ZNF841: variants seen among roughly 807,000 people sequenced by gnomAD.
ZNF841 encodes the protein TCONS_00006091.
ZNF841 carries 11 observed loss-of-function variants against 13.0 expected under a neutral mutation model. The ratio of observed to expected loss-of-function variants is 0.85; its 90% CI spans 0.53 to 1.40. The LOEUF is 1.40. Ranked by LOEUF, ZNF841 falls within the 40% of genes most tolerant of loss-of-function variation. The probability of loss-of-function intolerance (pLI) is 0.00; values close to 1 mark genes in which losing one functional copy is unlikely to be tolerated. For synonymous variants in ZNF841, 369 were observed against 381.6 expected, an observed-to-expected ratio of 0.97 and a Z score of 0.38; for missense variants, 1,068 against 1,139.5, an observed-to-expected ratio of 0.94 and a Z score of 0.90.
chr19:52,076,368 A>G, intron 5 of ZNF841, 196 bp from the exon 6 acceptor site: 1 of 636,278 alleles, frequency 1.6e-6, no homozygotes, highest in Non-Finnish European at 2.5e-6. Flanking sequence ...ACTGAATCAA[A>G]AACACAGGGA....
intron 6 of ZNF841, among the ~76,000 whole-genome samples, chr19:52,072,132 T>C (rs1568539444): frequency 6.6e-6 from 1 of 152,198 alleles, no homozygotes; most frequent in Non-Finnish European, 1.5e-5. Flanking sequence ...ATTAAAAGGT[T>C]AATTCACTAG....
chr19:52,059,390 T>TATATATATACACACACAC, the ZNF841 span, among the ~76,000 whole-genome samples: 5 of 96,388 alleles, frequency 5.2e-5, no homozygotes, highest in African/African-American at 2.1e-4. Flanking sequence ...TATATATATA[T>TATATATATACACACACAC]ACACACACAC....
Position 52,066,809 on chromosome 19 carries a change from G to T in ZNF841, c.1073C>A (p.Ser358Tyr). The change falls in exon 7 of 7, where the codon TCC becomes TAC. Residue 358 changes from serine (S) to tyrosine (Y), a missense_variant. Physicochemically the swap from Ser to Tyr is moderately radical, Grantham distance 144. Coordinates refer to ENST00000594440, the MANE Select transcript of ZNF841 (RefSeq NM_001136499.2). ...NECGKSFSKSSHLAVHQRIHT... is the reference protein window; with the variant it reads ...NECGKSFSKSYHLAVHQRIHT... ...AATTCTCTGATGAACTGCAAGGTGG[G>T]AACTTTTACTAAAGGACTTGCCACA... 2 of 1,614,138 alleles carry T rather than the reference G, an allele frequency of 1.2e-6. No individual in the cohort carries two copies. Among genetic ancestry groups the T allele is most frequent in the South Asian group, 2.2e-5 (2 of 91,070 alleles).
intron 4 of ZNF841, among the ~76,000 whole-genome samples, chr19:52,081,671 T>A (rs1035408919): frequency 6.6e-6 from 1 of 152,150 alleles, no homozygotes; most frequent in African/African-American, 2.4e-5. Context: ...CAGGGCAACA[T>A]GGCAAAATCC....
At chr19:52,072,639 C>T (rs2116867) in intron 6 of ZNF841, among the ~76,000 whole-genome samples, 23,885 of 151,956 alleles carry the variant, frequency 0.16, 2,207 homozygotes, top group South Asian at 0.3. Flanking sequence ...GTCAGGAGTT[C>T]GAGACCAGCC....
chr19:52,080,981 C>A (rs1420659829), intron 4 of ZNF841, among the ~76,000 whole-genome samples: 3 of 152,064 alleles, frequency 2.0e-5, no homozygotes, highest in African/African-American at 7.3e-5. Context: ...TAAAAAGAAA[C>A]CAATTAAGTC....
At chr19:52,092,218 G>A (rs1418541886) in intron 2 of ZNF841, among the ~76,000 whole-genome samples, 1 of 152,164 alleles carries the variant, frequency 6.6e-6, no homozygotes, top group Non-Finnish European at 1.5e-5. Flanking sequence ...CAATTTGTAA[G>A]ATGGAAGTAT....
downstream of ZNF841, chr19:52,064,352 C>CAAAAAAAAAAAAAA (rs1568532352): frequency 3.3e-4 from 16 of 48,970 alleles, 2 homozygotes; most frequent in Non-Finnish European, 6.6e-4. Context: ...GACTCCGTCT[C>CAAAAAAAAAAAAAA]CAAAAAAAAA....
intron 2 of ZNF841, among the ~76,000 whole-genome samples, chr19:52,090,706 A>AGAAAGAAAGAAAGAAAGAAG: frequency 1.5e-5 from 2 of 134,276 alleles, no homozygotes; most frequent in Admixed American, 1.5e-4. Flanking sequence ...AAAGAAAGAA[A>AGAAAGAAAGAAAGAAAGAAG]GAGAAAGAAA....
At chr19:52,077,924 T>C (rs2087958143) in intron 4 of ZNF841, among the ~76,000 whole-genome samples, 2 of 152,164 alleles carry the variant, frequency 1.3e-5, no homozygotes, top group South Asian at 4.1e-4. Flanking sequence ...AGGGGACGAA[T>C]GCTACAGTAT....
In ZNF841 at chr19:52,077,083, C is replaced by T. The variant is rs769873100; in HGVS notation, c.17G>A (p.Gly6Glu). The change falls in exon 5 of 7, where the codon GGA (glycine) becomes GAA (glutamate). Residue 6 changes from glycine (G) to glutamate (E), a missense_variant and splice_region_variant. Gly to Glu is a moderately conservative substitution (Grantham distance 98). Coordinates refer to ENST00000594440, the MANE Select transcript of ZNF841 (RefSeq NM_001136499.2). MALPQ[G>E]SLTFRDVAVE... Reference sequence around the variant, plus strand: ...AGCCACATCCCTGAATGTCAAAGATCCCTGAAATGAAAAACACATTTCAAT... The same window carrying T: ...AGCCACATCCCTGAATGTCAAAGATTCCTGAAATGAAAAACACATTTCAAT... The T allele has an allele frequency of 3.1e-6, 5 of 1,606,322 alleles. No individual in the cohort carries two copies. The highest frequency in any genetic ancestry group is 4.2e-6 in the Non-Finnish European group (5 of 1,177,048).
chr19:52,063,300 T>C (rs752091556), downstream of ZNF841, among the ~76,000 whole-genome samples: 1 of 152,200 alleles, frequency 6.6e-6, no homozygotes, highest in Non-Finnish European at 1.5e-5. Context: ...CACACTGATA[T>C]GACTTTTTTC....
rs1348174131 is a variant in ZNF841 at position 52,067,089 on chromosome 19, C to T, written c.793G>A (p.Glu265Lys). The change falls in exon 7 of 7, where the codon GAG becomes AAG. Residue 265 changes from glutamate to lysine, a missense_variant. Transcript: ENST00000594440. ...HIREKPYIGNECGKAFRVSSS... is the reference protein window; with the variant it reads ...HIREKPYIGNKCGKAFRVSSS... ...GACACTCTGAAGGCTTTGCCACACTCATTACCTATGTAAGGTTTTTCCCTA... is the reference window on the plus strand; with the variant it reads ...GACACTCTGAAGGCTTTGCCACACTTATTACCTATGTAAGGTTTTTCCCTA... The T allele has an allele frequency of 1.1e-5, 18 of 1,600,578 alleles. No individual in the cohort carries two copies. The highest frequency in any genetic ancestry group is 1.7e-5 in the Admixed American group (1 of 57,708).
At chr19:52,083,400 A>G (rs2088162630) in intron 4 of ZNF841, among the ~76,000 whole-genome samples, 1 of 151,204 alleles carries the variant, frequency 6.6e-6, no homozygotes, top group Non-Finnish European at 1.5e-5. Context: ...CCTCCCACCA[A>G]TGACACATGA....
intron 6 of ZNF841, among the ~76,000 whole-genome samples, chr19:52,068,662 C>CG (rs2087656793): frequency 7.3e-6 from 1 of 136,140 alleles, no homozygotes; most frequent in African/African-American, 2.9e-5. Flanking sequence ...GGCGACAGAG[C>CG]AGTCTCAAAA....
At position 52,066,484 on chromosome 19, in the gene ZNF841, G is replaced by A; in HGVS notation, c.1398C>T (p.Phe466=). Residue 466 remains phenylalanine (F), a synonymous_variant, in exon 7 of 7, where the codon TTC becomes TTT. Coordinates refer to ENST00000594440, the MANE Select transcript of ZNF841 (RefSeq NM_001136499.2). ...PYKCNECGKV[F]FQRSRLAGHR... is the part of the protein sequence containing the mutation. ...GCCCTGCAAGACGTGAACGTTGAAA[G>A]AAGACCTTGCCACATTCATTACATT... 1 of 1,613,512 alleles carries A rather than the reference G, an allele frequency of 6.2e-7. No individual in the cohort carries two copies. The highest frequency in any genetic ancestry group is 8.5e-7 in the Non-Finnish European group (1 of 1,179,852).
chr19:52,062,321 C>G (rs937014940), downstream of ZNF841, among the ~76,000 whole-genome samples: 1 of 152,158 alleles, frequency 6.6e-6, no homozygotes, highest in Non-Finnish European at 1.5e-5. Context: ...ATGTACAAAT[C>G]TAGGTGGAGC....
intron 4 of ZNF841, among the ~76,000 whole-genome samples, chr19:52,078,670 G>T (rs1255256630): frequency 1.4e-5 from 2 of 146,090 alleles, no homozygotes; most frequent in African/African-American, 2.6e-5. Context: ...CTGCACTCCA[G>T]CCTGGGTGAC....
At chr19:52,064,275 A>G (rs2087457873), downstream of ZNF841, among the ~76,000 whole-genome samples, 2 of 145,492 alleles carry the variant, frequency 1.4e-5, no homozygotes, top group South Asian at 2.3e-4. Context: ...GAACCCAGGA[A>G]GCAGAGCTTG....
Sources: allele counts gnomAD v4.1 joint callset (sites outside exome capture counted in the v4.1 genomes callset), GRCh38; gene constraint gnomAD v4.1.1; transcripts MANE v1.5; gene names NCBI Gene and HGNC (gene_info 2026-07-23, HGNC 2026-07-21).